GRAMD2B: variants seen among roughly 807,000 people sequenced by gnomAD.
GRAMD2B encodes the protein GRAM domain-containing protein 2B.
GRAMD2B carries 41 observed loss-of-function variants against 59.2 expected under a neutral mutation model. That is an observed-to-expected ratio of 0.69 (90% CI 0.54 to 0.90). The LOEUF (loss-of-function observed/expected upper bound fraction) is 0.90, where lower values mean the gene tolerates loss of function less well. GRAMD2B is among the 40% of genes least tolerant of loss of function. The pLI, the probability that GRAMD2B is intolerant of heterozygous loss-of-function variation, is 0.00. For synonymous variants in GRAMD2B, 161 were observed against 182.7 expected, an observed-to-expected ratio of 0.88 and a Z score of 0.96; for missense variants, 424 against 500.5, an observed-to-expected ratio of 0.85 and a Z score of 1.46.
chr5:126,436,484 A>G (rs1561519480), intron 1 of GRAMD2B, among the ~76,000 whole-genome samples: 1 of 152,088 alleles, frequency 6.6e-6, no homozygotes, highest in Non-Finnish European at 1.5e-5. Flanking sequence ...CCCTGCCTCT[A>G]CCACAAATAA....
intron 1 of GRAMD2B, among the ~76,000 whole-genome samples, chr5:126,400,755 A>C (rs549782261): frequency 5.1e-4 from 77 of 152,126 alleles, no homozygotes; most frequent in African/African-American, 1.8e-3. Flanking sequence ...TTCTTTCAGC[A>C]CTTTGAAAAT....
At chr5:126,451,244 A>C (rs115656279) in intron 1 of GRAMD2B, among the ~76,000 whole-genome samples, 2,979 of 152,316 alleles carry the variant, frequency 0.02, 120 homozygotes, top group African/African-American at 0.068. Context: ...ATGAGAAATA[A>C]ATTTCTGTTG....
At position 126,373,099 on chromosome 5, in the gene GRAMD2B, AATATC is replaced by A. The variant is rs534028168; in HGVS notation, c.125+1534_125+1538del. On this transcript the variant is annotated intron_variant, in intron 1 of 8. Transcript: ENST00000506445. The stretch of plus-strand genomic sequence containing the variant: ...ATGTCACCCGCATATTTGAGTATTC[AATATC>A]AAATTTCTATGTTAGCATCTGTAAG... Among the ~76,000 whole-genome samples the A allele has an allele frequency of 3.5e-3, 527 of 152,326 alleles. 3 individuals are homozygous for A. Among genetic ancestry groups the A allele is most frequent in the African/African-American group, 0.012 (503 of 41,582 alleles).
chr5:126,435,506 C>T lies in GRAMD2B; in HGVS notation c.83+11817C>T, dbSNP rs117280585. On this transcript the variant is annotated intron_variant, in intron 1 of 13. Transcript: ENST00000285689. Reference sequence around the variant, plus strand: ...AGAAGGGGGAAGGACTCAGAGCCCCCGGTTAGGTGTCCCCTCTTGCTTTGC... The same window carrying T: ...AGAAGGGGGAAGGACTCAGAGCCCCTGGTTAGGTGTCCCCTCTTGCTTTGC... Among the ~76,000 whole-genome samples the T allele has an allele frequency of 2.7e-3, 413 of 152,256 alleles. 18 individuals are homozygous for T. The East Asian group carries it at 0.07, about 26-fold the overall frequency.
chr5:126,366,285 C>T (rs750664337), intron 1 of GRAMD2B, among the ~76,000 whole-genome samples: 17 of 152,214 alleles, frequency 1.1e-4, no homozygotes, highest in Non-Finnish European at 1.5e-4. Flanking sequence ...AGGTCATTAT[C>T]ACCAGTGTCA....
intron 1 of GRAMD2B, among the ~76,000 whole-genome samples, chr5:126,361,489 TAAAAAAAAA>T (rs11300255): frequency 7.1e-6 from 1 of 140,716 alleles, no homozygotes; most frequent in Admixed American, 7.0e-5. Context: ...TCCGAAATGG[TAAAAAAAAA>T]AAAAAAAAAA....
intron 13 of GRAMD2B, among the ~76,000 whole-genome samples, chr5:126,489,694 A>G (rs1420515328): frequency 6.6e-6 from 1 of 152,242 alleles, no homozygotes. Context: ...GAAGATAGGC[A>G]TGCCAGAAAT....
Position 126,477,770 on chromosome 5 carries a change from G to A in GRAMD2B, c.565G>A (p.Ala189Thr), listed in dbSNP as rs1161578936. ...TCTAGTGCCAAACGCCCTGATCATA[G>A]CAACAGTCACAGACAGGGTGAGTAT... ...ALLVPNALII[A>T]TVTDRYIFVS... The change falls in exon 6 of 14, where the codon GCA (alanine) becomes ACA (threonine). Residue 189 changes from alanine to threonine, a missense_variant. By Grantham distance (58) the Ala-to-Thr change is moderately conservative. Coordinates refer to ENST00000285689, the MANE Select transcript of GRAMD2B (RefSeq NM_023927.4). The A allele has an allele frequency of 6.2e-7, 1 of 1,608,162 alleles. No individual in the cohort carries two copies. Among genetic ancestry groups the A allele is most frequent in the East Asian group, 2.2e-5 (1 of 44,840 alleles).
At chr5:126,449,806 G>C (rs1205009267) in intron 1 of GRAMD2B, among the ~76,000 whole-genome samples, 1 of 152,162 alleles carries the variant, frequency 6.6e-6, no homozygotes, top group African/African-American at 2.4e-5. Flanking sequence ...TATGGCATGA[G>C]ACCGAAACCT....
At chr5:126,457,147 G>A (rs112047602) in intron 1 of GRAMD2B, among the ~76,000 whole-genome samples, 5,111 of 123,830 alleles carry the variant, frequency 0.041, 112 homozygotes, top group Middle Eastern at 0.1. Flanking sequence ...AGCCAAGATC[G>A]CGCCACTGCA....
intron 1 of GRAMD2B, among the ~76,000 whole-genome samples, chr5:126,400,521 G>A (rs1757735620): frequency 6.6e-6 from 1 of 152,058 alleles, no homozygotes; most frequent in Admixed American, 6.6e-5. Flanking sequence ...AGAGTATTCT[G>A]AATTTTACCA....
upstream of GRAMD2B, among the ~76,000 whole-genome samples, chr5:126,418,693 C>A (rs576809448): frequency 6.6e-6 from 1 of 152,306 alleles, no homozygotes; most frequent in African/African-American, 2.4e-5. Flanking sequence ...TCATTGGGAA[C>A]CTTTTCTTCA....
At chr5:126,423,802 C>A in intron 1 of GRAMD2B, 113 bp downstream of exon 1, 1 of 987,382 alleles carries the variant, frequency 1.0e-6, no homozygotes, top group Non-Finnish European at 1.5e-6. Context: ...CCTATATGGA[C>A]AATCTTGTGG....
intron 1 of GRAMD2B, among the ~76,000 whole-genome samples, chr5:126,441,797 C>T (rs1302543387): frequency 1.3e-5 from 2 of 152,044 alleles, no homozygotes; most frequent in African/African-American, 4.8e-5. Context: ...GTTAGAGGCT[C>T]TTGATAAAAT....
At chr5:126,434,996 C>A (rs1474765646) in intron 1 of GRAMD2B, among the ~76,000 whole-genome samples, 2 of 152,184 alleles carry the variant, frequency 1.3e-5, no homozygotes, top group East Asian at 3.9e-4. Flanking sequence ...GTTACACAAC[C>A]ATTTTATCTA....
At chr5:126,454,136 C>A (rs1190872468) in intron 1 of GRAMD2B, among the ~76,000 whole-genome samples, 1 of 152,090 alleles carries the variant, frequency 6.6e-6, no homozygotes, top group Non-Finnish European at 1.5e-5. Flanking sequence ...GGTAAGACGA[C>A]CAACATGGCT....
chr5:126,389,354 C>A (rs1580745717), intron 1 of GRAMD2B, among the ~76,000 whole-genome samples: 1 of 152,162 alleles, frequency 6.6e-6, no homozygotes, highest in Admixed American at 6.5e-5. Flanking sequence ...GCTTTATTAA[C>A]CTGGGCAGTG....
intron 1 of GRAMD2B, among the ~76,000 whole-genome samples, chr5:126,376,589 A>T (rs185165857): frequency 1.6e-4 from 25 of 152,322 alleles, no homozygotes; most frequent in Admixed American, 1.6e-3. Context: ...ATGAACAGGA[A>T]CACAGCAGAC....
intron 1 of GRAMD2B, among the ~76,000 whole-genome samples, chr5:126,381,334 T>G (rs757145372): frequency 6.6e-6 from 1 of 152,192 alleles, no homozygotes; most frequent in Non-Finnish European, 1.5e-5. Flanking sequence ...TCATCTATGT[T>G]CATCAGGGAT....
Sources: gnomAD v4.1 joint callset for allele counts (sites outside exome capture counted in the v4.1 genomes callset) on GRCh38, gnomAD v4.1.1 for gene constraint, MANE v1.5 for transcripts, NCBI Gene and HGNC (gene_info 2026-07-23, HGNC 2026-07-21) for gene names.